Variants in DSCAM observed in about 807,000 individuals in gnomAD.
DSCAM encodes the protein DS cell adhesion molecule.
Under a neutral mutation model 217.7 loss-of-function variants are expected in DSCAM, and 47 were observed. The observed-to-expected ratio is 0.22, with a 90% CI of 0.17 to 0.28. DSCAM has a LOEUF of 0.28. Among genes scored for constraint, DSCAM ranks in the 10% least tolerant of loss-of-function variants. DSCAM has a pLI of 1.00. For synonymous variants in DSCAM, 1,056 were observed against 1,015.3 expected (o/e 1.04, Z -0.76); for missense variants, 2,080 against 2,618.3 (o/e 0.79, Z 4.49).
At position 40,560,073 on chromosome 21, in the gene DSCAM, T is replaced by G. The variant is rs541721731; in HGVS notation, c.508+132737A>C. Among the ~76,000 whole-genome samples, 26 of 152,316 alleles carry G rather than the reference T, an allele frequency of 1.7e-4. 1 individual carries two copies. Among genetic ancestry groups the G allele is most frequent in the East Asian group, 1.5e-3 (8 of 5,164 alleles). ...CTCCCAAAGTGCTGGGATTATAGGC[T>G]TGAGCCACCATGCGTGGCCAATTTT... On this transcript the variant is annotated intron_variant, in intron 3 of 32. Transcript: ENST00000400454.
intron 3 of DSCAM, among the ~76,000 whole-genome samples, chr21:40,405,664 T>A (rs2075273943): frequency 6.6e-6 from 1 of 152,248 alleles, no homozygotes; most frequent in Middle Eastern, 3.4e-3. Flanking sequence ...AATAATCTAA[T>A]TAAAAAATGG....
intron 11 of DSCAM, among the ~76,000 whole-genome samples, chr21:40,262,907 T>C (rs1039963010): frequency 2.6e-5 from 4 of 152,242 alleles, no homozygotes; most frequent in Admixed American, 2.6e-4. Flanking sequence ...CTAATGTGCA[T>C]GCACCTTGGA....
At chr21:40,508,783 ATTT>A (rs1178142732) in intron 3 of DSCAM, among the ~76,000 whole-genome samples, 114 of 24,166 alleles carry the variant, frequency 4.7e-3, no homozygotes, top group South Asian at 9.8e-3. Flanking sequence ...ATATATATAT[ATTT>A]TTTTTTTTTT....
At chr21:40,312,037 A>G (rs374460518) in intron 9 of DSCAM, 44 bp downstream of exon 9, 60 of 1,585,484 alleles carry the variant, frequency 3.8e-5, no homozygotes, top group Non-Finnish European at 5.0e-5. Flanking sequence ...ACCATTGTTA[A>G]ATCAACTCTA....
chr21:40,577,619 C>G (rs563788470), intron 3 of DSCAM, among the ~76,000 whole-genome samples: 2 of 152,248 alleles, frequency 1.3e-5, no homozygotes, highest in South Asian at 4.1e-4. Context: ...TAGCCGGCGA[C>G]GAGAGACGGC....
intron 3 of DSCAM, among the ~76,000 whole-genome samples, chr21:40,591,498 T>G (rs1433420615): frequency 6.6e-6 from 1 of 152,208 alleles, no homozygotes; most frequent in East Asian, 1.9e-4. Context: ...TATGTTAACT[T>G]GTTTTCTATC....
intron 6 of DSCAM, 29 bp downstream of exon 6, chr21:40,347,641 A>C: frequency 6.2e-7 from 1 of 1,611,270 alleles, no homozygotes; most frequent in East Asian, 2.2e-5. Context: ...GTTCTTTTTC[A>C]GCCATACCCT....
At position 40,531,743 on chromosome 21, in the gene DSCAM, T is replaced by C. The variant is rs2076448651; in HGVS notation, c.508+161067A>G. 2.0e-5 allele frequency among the ~76,000 whole-genome samples: 3 copies of C among 152,228 alleles called. No homozygotes were observed. The South Asian group carries it at 6.2e-4, about 31-fold the overall frequency. On this transcript the variant is annotated intron_variant, in intron 3 of 32. Transcript: ENST00000400454. Reference sequence around the variant, plus strand: ...CCCTGCCATCAAAACACAAATCTTGTCATGGAAAATGCAGGTCTTGCCCCC... The same window carrying C: ...CCCTGCCATCAAAACACAAATCTTGCCATGGAAAATGCAGGTCTTGCCCCC...
chr21:40,314,422 T>G (rs1191928525), intron 8 of DSCAM, among the ~76,000 whole-genome samples: 1 of 152,190 alleles, frequency 6.6e-6, no homozygotes, highest in Non-Finnish European at 1.5e-5. Context: ...GCTGATCTGA[T>G]GCTAAGAGAT....
intron 1 of DSCAM, among the ~76,000 whole-genome samples, chr21:40,794,193 A>G (rs1472540425): frequency 6.6e-6 from 1 of 152,206 alleles, no homozygotes; most frequent in Non-Finnish European, 1.5e-5. Flanking sequence ...CGTCTATCAA[A>G]TTGAGTTTAA....
intron 1 of DSCAM, among the ~76,000 whole-genome samples, chr21:40,724,160 G>C (rs2090930816): frequency 6.6e-6 from 1 of 152,104 alleles, no homozygotes. Flanking sequence ...TATGTATGTG[G>C]TTTACTACGT....
chr21:40,772,771 G>A (rs1262712372), intron 1 of DSCAM, among the ~76,000 whole-genome samples: 1 of 152,210 alleles, frequency 6.6e-6, no homozygotes, highest in Non-Finnish European at 1.5e-5. Flanking sequence ...TGTTACTCAC[G>A]CAAATCACGT....
At chr21:40,665,186 AAC>A (rs2090186445) in intron 3 of DSCAM, among the ~76,000 whole-genome samples, 1 of 152,200 alleles carries the variant, frequency 6.6e-6, no homozygotes, top group Non-Finnish European at 1.5e-5. Flanking sequence ...TTTCAAAGAA[AAC>A]ACAGAGGCAG....
intron 3 of DSCAM, among the ~76,000 whole-genome samples, chr21:40,557,250 T>A (rs139389108): frequency 0.01 from 1,523 of 152,262 alleles, 23 homozygotes; most frequent in African/African-American, 0.034. Flanking sequence ...ACTTCATGAA[T>A]AGATTAATGC....
chr21:40,713,043 G>A (rs2090799892), intron 1 of DSCAM, among the ~76,000 whole-genome samples: 1 of 152,176 alleles, frequency 6.6e-6, no homozygotes, highest in Admixed American at 6.5e-5. Context: ...AGCATCAAAA[G>A]CTATTGTCAA....
chr21:40,307,038 T>G (rs1329424524), intron 9 of DSCAM, among the ~76,000 whole-genome samples: 1 of 152,180 alleles, frequency 6.6e-6, no homozygotes, highest in Admixed American at 6.5e-5. Context: ...TCCTTGTACC[T>G]CTGGTAGAAT....
chr21:40,337,798 G>A (rs991634229), intron 8 of DSCAM, among the ~76,000 whole-genome samples: 23 of 152,176 alleles, frequency 1.5e-4, no homozygotes, highest in Non-Finnish European at 2.9e-4. Flanking sequence ...AATTATCTGA[G>A]AGATGACTAG....
intron 9 of DSCAM, among the ~76,000 whole-genome samples, chr21:40,299,740 A>AG (rs2073993889): frequency 6.6e-6 from 1 of 152,098 alleles, no homozygotes; most frequent in Non-Finnish European, 1.5e-5. Context: ...CATATGCTCT[A>AG]AGCATATGAG....
rs568795353 is a variant in DSCAM at position 40,604,740 on chromosome 21, G to C, written c.508+88070C>G. On this transcript the variant is annotated intron_variant, in intron 3 of 32. Transcript: ENST00000400454. Reference sequence around the variant, plus strand: ...TTCACTGGTATTATTTTGGAGCCTTGTTGATGTGATGCTGAGGTGTTAGGG... The same window carrying C: ...TTCACTGGTATTATTTTGGAGCCTTCTTGATGTGATGCTGAGGTGTTAGGG... 3.9e-5 allele frequency among the ~76,000 whole-genome samples: 6 copies of C among 152,270 alleles called. No individual in the cohort carries two copies. The South Asian group carries it at 1.2e-3, about 32-fold the overall frequency.
Sources: gnomAD v4.1 joint callset for allele counts (sites outside exome capture counted in the v4.1 genomes callset) on GRCh38, gnomAD v4.1.1 for gene constraint, MANE v1.5 for transcripts, NCBI Gene and HGNC (gene_info 2026-07-23, HGNC 2026-07-21) for gene names.